Variants in AQR observed in about 807,000 individuals in gnomAD.
AQR encodes aquarius intron-binding spliceosomal factor, also known as RNA helicase aquarius.
In AQR, 61 loss-of-function variants were observed where a neutral mutation model predicts 180.5. That is an observed-to-expected ratio of 0.34 (90% CI 0.28 to 0.42). The LOEUF (loss-of-function observed/expected upper bound fraction) is 0.42. Among genes scored for constraint, AQR ranks in the 10% least tolerant of loss-of-function variants. The probability of loss-of-function intolerance (pLI) is 1.00; values close to 1 mark genes in which losing one functional copy is unlikely to be tolerated. For missense variants in AQR, 1,281 were observed against 1,798.3 expected (o/e 0.71, Z 5.20); for synonymous variants, 551 against 588.8 (o/e 0.94, Z 0.93).
At chr15:34,882,901 G>T (rs1456098955) in intron 26 of AQR, among the ~76,000 whole-genome samples, 1 of 152,082 alleles carries the variant, frequency 6.6e-6, no homozygotes, top group Admixed American at 6.6e-5. Flanking sequence ...AAAATTCAGT[G>T]ATCATTGTAC....
At chr15:34,914,281 C>T (rs1294747593) in intron 16 of AQR, among the ~76,000 whole-genome samples, 1 of 152,134 alleles carries the variant, frequency 6.6e-6, no homozygotes, top group East Asian at 1.9e-4. Context: ...AGAGCATTTG[C>T]CTCAAGTCAG....
rs200307145 is a variant in AQR at position 34,897,661 on chromosome 15, T to C, written c.2288A>G (p.Asp763Gly). The change falls in exon 21 of 35, where the codon GAT (aspartate) becomes GGT (glycine). Residue 763 changes from aspartate to glycine, a missense_variant. Around this residue, in one of 9 missense-constraint regions of AQR, gnomAD observed 112 missense variants for 128.6 expected, o/e 0.87. Transcript: ENST00000156471. ...VRSGKGKKRKDADVEDEDTEE... is the reference protein window; with the variant it reads ...VRSGKGKKRKGADVEDEDTEE... ...GGTGTCTTCATCTTCCACATCCGCATCTTTCCTTTTCTTCCCTTTTCCACT... is the reference window on the plus strand; with the variant it reads ...GGTGTCTTCATCTTCCACATCCGCACCTTTCCTTTTCTTCCCTTTTCCACT... The C allele has an allele frequency of 3.7e-6, 6 of 1,614,142 alleles. No individual in the cohort carries two copies. The highest frequency in any genetic ancestry group is 5.1e-6 in the Non-Finnish European group (6 of 1,179,996).
chr15:34,878,834 C>T (rs1892926334), intron 27 of AQR, among the ~76,000 whole-genome samples: 1 of 152,094 alleles, frequency 6.6e-6, no homozygotes, highest in South Asian at 2.1e-4. Flanking sequence ...TTAAGACCAA[C>T]CTGGCCAACA....
intron 15 of AQR, among the ~76,000 whole-genome samples, chr15:34,916,790 G>C (rs952259480): frequency 1.4e-5 from 2 of 143,506 alleles, no homozygotes; most frequent in African/African-American, 5.2e-5. Flanking sequence ...AAGAACAGAG[G>C]AACATGCTGC....
At chr15:34,862,417 C>A (rs1677932038) in intron 33 of AQR, among the ~76,000 whole-genome samples, 2 of 152,100 alleles carry the variant, frequency 1.3e-5, no homozygotes, top group Admixed American at 6.6e-5. Flanking sequence ...TAAGTTTCTC[C>A]ATTTGTAAAA....
chr15:34,958,226 C>T (rs546319284), intron 3 of AQR, among the ~76,000 whole-genome samples: 5 of 151,700 alleles, frequency 3.3e-5, no homozygotes, highest in East Asian at 1.9e-4. Context: ...AAAAGAATAA[C>T]GGTAGGGGCT....
rs1180006819 is a variant in AQR at position 34,863,340 on chromosome 15, T to C, written c.3855-299A>G. On this transcript the variant is annotated intron_variant, in intron 32 of 34. Transcript: ENST00000156471. ...TATTACAGTAGAGTTCAATTGTCAG[T>C]TACTAACTTACTGTATCACTGTCAT... is the stretch of plus-strand genomic sequence containing the variant. 8.5e-5 allele frequency: 17 copies of C among 200,232 alleles called. No individual in the cohort carries two copies. The East Asian group carries it at 1.9e-3, about 22-fold the overall frequency. 12.4% of individuals were successfully genotyped at this position (200,232 alleles called of 1,614,324 possible).
chr15:34,968,867 G>A (rs1352278011), intron 1 of AQR, among the ~76,000 whole-genome samples: 1 of 152,164 alleles, frequency 6.6e-6, no homozygotes. Context: ...AAAGAATAAA[G>A]AAGCAGGTGG....
At chr15:34,866,474 T>C (rs1466006305) in intron 32 of AQR, among the ~76,000 whole-genome samples, 2 of 152,184 alleles carry the variant, frequency 1.3e-5, no homozygotes, top group Admixed American at 1.3e-4. Context: ...TCAAAATCTT[T>C]CTTGTTTTCT....
intron 18 of AQR, among the ~76,000 whole-genome samples, chr15:34,905,113 A>AGG (rs575419415): frequency 1.1e-4 from 8 of 75,386 alleles, no homozygotes; most frequent in African/African-American, 3.0e-4. Flanking sequence ...GGTGGGGGGA[A>AGG]GGGGGGGTCT....
At chr15:34,968,266 T>G (rs1360029592) in intron 1 of AQR, among the ~76,000 whole-genome samples, 2 of 151,258 alleles carry the variant, frequency 1.3e-5, no homozygotes, top group Non-Finnish European at 3.0e-5. Flanking sequence ...TTTTTTTTTT[T>G]TTTTGAGACG....
At chr15:34,955,419 C>G (rs1480599411) in intron 3 of AQR, among the ~76,000 whole-genome samples, 1 of 152,152 alleles carries the variant, frequency 6.6e-6, no homozygotes, top group Non-Finnish European at 1.5e-5. Context: ...CCTATCCCAA[C>G]AACCTCCTCT....
At chr15:34,917,430 C>T (rs1030715315) in intron 15 of AQR, among the ~76,000 whole-genome samples, 1 of 152,110 alleles carries the variant, frequency 6.6e-6, no homozygotes, top group Non-Finnish European at 1.5e-5. Flanking sequence ...AATTCTCATC[C>T]TCAGAGGATG....
chr15:34,899,977 T>G (rs1239625459), intron 20 of AQR, among the ~76,000 whole-genome samples: 1 of 152,050 alleles, frequency 6.6e-6, no homozygotes, highest in Non-Finnish European at 1.5e-5. Context: ...ACTACAGACT[T>G]AAACGCCTGG....
intron 3 of AQR, among the ~76,000 whole-genome samples, chr15:34,954,807 ACC>A (rs1321473166): frequency 5.9e-5 from 9 of 152,314 alleles, no homozygotes; most frequent in African/African-American, 2.2e-4. Flanking sequence ...TGAACTAGAC[ACC>A]ATGTCAGAAG....
intron 5 of AQR, among the ~76,000 whole-genome samples, chr15:34,947,517 AAT>A (rs1566995485): frequency 7.6e-4 from 107 of 139,968 alleles, no homozygotes; most frequent in African/African-American, 2.1e-3. Flanking sequence ...TAAAAAAAAT[AAT>A]AATAATAATA....
rs1892883790 is a variant in AQR at position 34,875,925 on chromosome 15, T to C, written c.3237+10A>G. 2.5e-6 allele frequency: 4 copies of C among 1,596,572 alleles called. No individual in the cohort carries two copies. The Admixed American group carries it at 6.7e-5, about 27-fold the overall frequency. ...TCTATTTTCTTTGCCTCAGATCTTA[T>C]ATTTCTTACCTGTAGAAGAAGAGGG... On this transcript the variant is annotated intron_variant, in intron 28 of 34. Transcript: ENST00000156471.
At chr15:34,943,322 G>A (rs1894056066) in intron 6 of AQR, 3 of 1,518,952 alleles carry the variant, frequency 2.0e-6, no homozygotes, top group Non-Finnish European at 2.7e-6. Flanking sequence ...CTAAGAGAAT[G>A]CTGGCTATTA....
Position 34,852,443 on chromosome 15 carries a change from T to A in AQR, c.*4349A>T, listed in dbSNP as rs1193421510. The A allele has an allele frequency of 1.3e-5, 2 of 152,260 alleles. No individual in the cohort carries two copies. Among genetic ancestry groups the A allele is most frequent in the African/African-American group, 4.8e-5 (2 of 41,454 alleles). 9.4% of individuals were successfully genotyped at this position (152,260 alleles called of 1,614,324 possible). A position where few individuals can be genotyped will look rare whatever the true frequency, so the allele number is the denominator to read the frequency against. ...GCCTGGGCCTCCCAAAGTGCTGGGA[T>A]TACAGGCGTGAGCCACTGCACCCGG... is the stretch of plus-strand genomic sequence containing the variant. On this transcript the variant is annotated 3_prime_UTR_variant, in exon 35 of 35. Transcript: ENST00000156471.
Sources: gnomAD v4.1 joint callset for allele counts (sites outside exome capture counted in the v4.1 genomes callset) on GRCh38, gnomAD v4.1.1 for gene constraint, gnomAD v4.1.1 regional missense constraint, MANE v1.5 for transcripts, NCBI Gene and HGNC (gene_info 2026-07-23, HGNC 2026-07-21) for gene names.